SORBS2: variants seen among roughly 807,000 people sequenced by gnomAD.
The protein encoded by SORBS2 is sorbin and SH3 domain containing 2, also known as sorbin and SH3 domain-containing protein 2.
A neutral mutation model predicts 97.7 loss-of-function variants in SORBS2; 46 were observed. The ratio of observed to expected loss-of-function variants is 0.47; its 90% confidence interval spans 0.37 to 0.60. The LOEUF (loss-of-function observed/expected upper bound fraction) is 0.60, where lower values mean the gene tolerates loss of function less well. Ranked by LOEUF, SORBS2 falls within the 20% of genes least tolerant of loss-of-function variation. The pLI is 0.00. For synonymous variants in SORBS2, 476 were observed against 473.4 expected (o/e 1.01, Z -0.07); for missense variants, 1,316 against 1,282.3 (o/e 1.03, Z -0.40).
At chr4:185,646,810 A>G in intron 3 of SORBS2, 28 bp from the exon 13 acceptor site, 1 of 1,261,766 alleles carries the variant, frequency 7.9e-7, no homozygotes, top group Non-Finnish European at 1.2e-6. Flanking sequence ...ATCACACATT[A>G]AAATAATCCT....
At chr4:185,866,458 C>G (rs1304810882) in intron 1 of SORBS2, among the ~76,000 whole-genome samples, 1 of 152,236 alleles carries the variant, frequency 6.6e-6, no homozygotes, top group Non-Finnish European at 1.5e-5. Flanking sequence ...GCATATTGCA[C>G]TTAATGCACA....
chr4:185,751,190 A>AAAAAAAAAAAAAAAAAAAAGAGAG, intron 2 of SORBS2, among the ~76,000 whole-genome samples: 1 of 86,510 alleles, frequency 1.2e-5, no homozygotes, highest in South Asian at 4.7e-4. Flanking sequence ...AAAAAAAAAA[A>AAAAAAAAAAAAAAAAAAAAGAGAG]AGAGAAAGAG....
At chr4:185,702,804 A>G (rs1034007983) in intron 2 of SORBS2, among the ~76,000 whole-genome samples, 8 of 152,146 alleles carry the variant, frequency 5.3e-5, no homozygotes, top group African/African-American at 1.9e-4. Context: ...AAAAGCACAT[A>G]AGGGACTTTT....
intron 1 of SORBS2, among the ~76,000 whole-genome samples, chr4:185,904,674 G>A (rs995284798): frequency 3.9e-5 from 6 of 152,202 alleles, no homozygotes; most frequent in African/African-American, 1.2e-4. Context: ...TCTGATTTTG[G>A]TATTGTGGTA....
intron 1 of SORBS2, among the ~76,000 whole-genome samples, chr4:185,877,650 T>A (rs1468866993): frequency 2.0e-5 from 3 of 152,048 alleles, no homozygotes; most frequent in East Asian, 3.9e-4. Context: ...GTAGATCACC[T>A]GAGGTCAGGA....
At chr4:185,858,527 G>A (rs1000615459) in intron 1 of SORBS2, among the ~76,000 whole-genome samples, 1 of 152,204 alleles carries the variant, frequency 6.6e-6, no homozygotes, top group Non-Finnish European at 1.5e-5. Flanking sequence ...CTTAGCACAT[G>A]TTGGGTATTT....
Position 185,955,957 on chromosome 4 carries a change from G to A in SORBS2, c.-338+239C>T, listed in dbSNP as rs561801091. ...CAGCTTACCTTCGCAACAATAGCAA[G>A]AGTAACAAAGAATCCATCCTAATAA... On this transcript the variant is annotated intron_variant, in intron 1 of 20. Coordinates refer to the SORBS2 transcript ENST00000284776. Among the ~76,000 whole-genome samples the A allele has an allele frequency of 3.9e-5, 6 of 151,974 alleles. No homozygotes were observed. The South Asian group carries it at 1.2e-3, about 32-fold the overall frequency.
intron 2 of SORBS2, among the ~76,000 whole-genome samples, chr4:185,651,270 C>T (rs1405135515): frequency 6.6e-6 from 1 of 152,188 alleles, no homozygotes; most frequent in East Asian, 1.9e-4. Context: ...GGAACTGAAG[C>T]CATTCTATTG....
chr4:185,887,246 T>A (rs922178793), intron 1 of SORBS2, among the ~76,000 whole-genome samples: 2 of 152,210 alleles, frequency 1.3e-5, no homozygotes, highest in Non-Finnish European at 2.9e-5. Flanking sequence ...TTTCTTTCTG[T>A]TAGTAGAACC....
At chr4:185,786,959 T>C (rs1476285893) in intron 1 of SORBS2, among the ~76,000 whole-genome samples, 1 of 140,912 alleles carries the variant, frequency 7.1e-6, no homozygotes, top group Non-Finnish European at 1.5e-5. Flanking sequence ...CATTTTTTTT[T>C]TTTTTTTTGA....
chr4:185,807,860 A>G (rs2099163528), intron 1 of SORBS2, among the ~76,000 whole-genome samples: 2 of 152,254 alleles, frequency 1.3e-5, no homozygotes, highest in African/African-American at 4.8e-5. Context: ...GCAATCATAT[A>G]TCACAAGTCT....
chr4:185,599,047 A>G (rs1469246661), intron 12 of SORBS2, among the ~76,000 whole-genome samples: 1 of 152,210 alleles, frequency 6.6e-6, no homozygotes, highest in Non-Finnish European at 1.5e-5. Context: ...TTCTGTCTCT[A>G]TGGCAACACA....
chr4:185,928,323 G>C (rs1042294295), intron 1 of SORBS2, among the ~76,000 whole-genome samples: 1 of 152,104 alleles, frequency 6.6e-6, no homozygotes, highest in Non-Finnish European at 1.5e-5. Flanking sequence ...AGGATCACTT[G>C]AGCCCAGGAG....
At position 185,899,845 on chromosome 4, in the gene SORBS2, T is replaced by C. The variant is rs28646018; in HGVS notation, c.-338+56351A>G. Among the ~76,000 whole-genome samples the C allele has an allele frequency of 2.0e-3, 312 of 152,296 alleles. 1 individual carries two copies. Among genetic ancestry groups the C allele is most frequent in the African/African-American group, 7.3e-3 (302 of 41,560 alleles). ...CAAATGGTTACCATACTGGACGCCATGGAAGACTTATTAGAAGGGGGTAAA... is the reference window on the plus strand; with the variant it reads ...CAAATGGTTACCATACTGGACGCCACGGAAGACTTATTAGAAGGGGGTAAA... On this transcript the variant is annotated intron_variant, in intron 1 of 20. Transcript: ENST00000284776.
intron 12 of SORBS2, chr4:185,605,977 A>G: frequency 2.7e-6 from 1 of 365,244 alleles, no homozygotes; most frequent in Non-Finnish European, 3.8e-6. Context: ...TACAGTACCC[A>G]GTTCTTAAGT....
intron 1 of SORBS2, among the ~76,000 whole-genome samples, chr4:185,812,677 GA>G (rs11288956): frequency 0.31 from 46,416 of 152,018 alleles, 7,309 homozygotes; most frequent in Non-Finnish European, 0.34. Flanking sequence ...CCACTTAATT[GA>G]AACAAAACCC....
chr4:185,954,558 A>G (rs1048103820), intron 1 of SORBS2, among the ~76,000 whole-genome samples: 6 of 152,206 alleles, frequency 3.9e-5, no homozygotes, highest in African/African-American at 1.4e-4. Context: ...GGCGAAGTGT[A>G]TTTTCACTCA....
chr4:185,813,899 T>C (rs541118084), intron 1 of SORBS2, among the ~76,000 whole-genome samples: 27 of 152,130 alleles, frequency 1.8e-4, no homozygotes, highest in Non-Finnish European at 3.2e-4. Flanking sequence ...TCCCAGACTG[T>C]TCTATCAACT....
rs554325087 is a variant in SORBS2 at position 185,630,180 on chromosome 4, C to T, written c.446+369G>A. Among the ~76,000 whole-genome samples, 78 of 152,080 alleles carry T rather than the reference C, an allele frequency of 5.1e-4. 1 individual carries two copies. Among genetic ancestry groups the T allele is most frequent in the East Asian group, 2.3e-3 (12 of 5,178 alleles). On this transcript the variant is annotated intron_variant, in intron 5 of 14. Transcript: ENST00000418609. Reference sequence around the variant, plus strand: ...GTGGTCAAAGTATGATTAACAAATACGTGTATAACACTTTTTAATCTATAA... The same window carrying T: ...GTGGTCAAAGTATGATTAACAAATATGTGTATAACACTTTTTAATCTATAA...
Sources: allele counts gnomAD v4.1 joint callset (sites outside exome capture counted in the v4.1 genomes callset), GRCh38; gene constraint gnomAD v4.1.1; transcripts MANE v1.5; gene names NCBI Gene and HGNC (gene_info 2026-07-23, HGNC 2026-07-21).